The following CEP350 variants were observed in gnomAD, a reference collection of about 807,000 sequenced individuals.
CEP350 encodes centrosome-associated protein 350.
A neutral mutation model predicts 331.8 loss-of-function variants in CEP350; 126 were observed. That is an observed-to-expected ratio of 0.38 (90% CI 0.33 to 0.44). The LOEUF (loss-of-function observed/expected upper bound fraction) is 0.44. Ranked by LOEUF, CEP350 falls within the 20% of genes least tolerant of loss-of-function variation. CEP350 has a pLI of 1.00. For missense variants in CEP350, 3,406 were observed against 3,634.6 expected (o/e 0.94, Z 1.62); for synonymous variants, 1,200 against 1,259.5 (o/e 0.95, Z 1.00).
intron 27 of CEP350, among the ~76,000 whole-genome samples, chr1:180,070,666 G>A (rs1182261772): frequency 6.6e-6 from 1 of 152,158 alleles, no homozygotes. Flanking sequence ...TAAAGTCAAA[G>A]TTAAGTTAGC....
intron 11 of CEP350, among the ~76,000 whole-genome samples, chr1:180,016,314 T>C (rs1189005782): frequency 6.6e-6 from 1 of 152,222 alleles, no homozygotes; most frequent in Non-Finnish European, 1.5e-5. Context: ...GGTTTTTGTG[T>C]CTACTGCTAT....
At chr1:180,098,513 T>C (rs1448356078) in intron 36 of CEP350, among the ~76,000 whole-genome samples, 1 of 151,976 alleles carries the variant, frequency 6.6e-6, no homozygotes, top group Non-Finnish European at 1.5e-5. Flanking sequence ...GCTAATTTTA[T>C]ATATTTTTTG....
At chr1:180,021,565 C>T (rs548207360) in intron 12 of CEP350, among the ~76,000 whole-genome samples, 10 of 151,690 alleles carry the variant, frequency 6.6e-5, no homozygotes, top group East Asian at 1.9e-4. Flanking sequence ...GGCTGAGGCA[C>T]GAGAATCGCT....
intron 6 of CEP350, among the ~76,000 whole-genome samples, chr1:179,997,495 A>T (rs933542309): frequency 1.3e-5 from 2 of 149,362 alleles, no homozygotes; most frequent in African/African-American, 2.5e-5. Flanking sequence ...CTGAGCCGAG[A>T]TCTCACCACT....
intron 17 of CEP350, among the ~76,000 whole-genome samples, chr1:180,039,380 C>T (rs182585588): frequency 1.3e-5 from 2 of 152,200 alleles, no homozygotes; most frequent in East Asian, 1.9e-4. Context: ...CATTCTCTTA[C>T]GTTTTTTTCC....
chr1:180,060,865 T>G (rs1198569235), intron 25 of CEP350, among the ~76,000 whole-genome samples: 1 of 152,074 alleles, frequency 6.6e-6, no homozygotes, highest in East Asian at 1.9e-4. Context: ...TTTTTGCAGA[T>G]AAGCACAAAT....
chr1:179,957,232 CAT>C (rs1650234909), intron 1 of CEP350, among the ~76,000 whole-genome samples: 1 of 152,092 alleles, frequency 6.6e-6, no homozygotes, highest in Non-Finnish European at 1.5e-5. Context: ...TGATCAGTAA[CAT>C]AACTGAAAAG....
At chr1:179,961,233 G>A (rs1165879617) in intron 1 of CEP350, among the ~76,000 whole-genome samples, 1 of 152,086 alleles carries the variant, frequency 6.6e-6, no homozygotes, top group Non-Finnish European at 1.5e-5. Context: ...ATCATTTGAG[G>A]TCAGGAGTTC....
intron 22 of CEP350, among the ~76,000 whole-genome samples, chr1:180,051,900 G>T (rs1259875681): frequency 6.6e-6 from 1 of 152,168 alleles, no homozygotes; most frequent in Non-Finnish European, 1.5e-5. Context: ...TATTGGGTTT[G>T]AACAAATAAG....
chr1:180,070,481 G>A (rs1334396011), intron 27 of CEP350, among the ~76,000 whole-genome samples: 1 of 152,108 alleles, frequency 6.6e-6, no homozygotes, highest in Non-Finnish European at 1.5e-5. Flanking sequence ...AACGGAGAAA[G>A]AGTCATAAAA....
chr1:180,014,960 C>T (rs1312372716), intron 10 of CEP350, among the ~76,000 whole-genome samples: 2 of 152,114 alleles, frequency 1.3e-5, no homozygotes, highest in Non-Finnish European at 2.9e-5. Context: ...CTATATTATA[C>T]ACTGTATTCT....
intron 28 of CEP350, among the ~76,000 whole-genome samples, chr1:180,077,464 A>G (rs1316299063): frequency 6.6e-6 from 1 of 151,992 alleles, no homozygotes; most frequent in Non-Finnish European, 1.5e-5. Flanking sequence ...ACTTGAGCTC[A>G]AGAGTTCATG....
chr1:180,102,606 A>G (rs1660890902), intron 37 of CEP350, among the ~76,000 whole-genome samples: 1 of 152,120 alleles, frequency 6.6e-6, no homozygotes, highest in Non-Finnish European at 1.5e-5. Context: ...AAATATTTTT[A>G]AAGTATAAAA....
chr1:180,090,268 C>T (rs565203010), intron 32 of CEP350, among the ~76,000 whole-genome samples: 138 of 151,928 alleles, frequency 9.1e-4, no homozygotes, highest in Middle Eastern at 6.8e-3. Flanking sequence ...TTGATGAGGC[C>T]GGGCGCGGTG....
intron 12 of CEP350, among the ~76,000 whole-genome samples, chr1:180,021,691 C>T (rs1655334836): frequency 6.6e-6 from 1 of 151,900 alleles, no homozygotes; most frequent in Admixed American, 6.6e-5. Context: ...TGTTTCTTAA[C>T]ACAGTGATGA....
Position 180,034,083 on chromosome 1 carries a change from G to T in CEP350, c.3946+1G>T. 1 of 1,610,684 alleles carries T rather than the reference G, an allele frequency of 6.2e-7. No homozygotes were observed. The highest frequency in any genetic ancestry group is 1.1e-5 in the South Asian group (1 of 90,550). On this transcript the variant is annotated splice_donor_variant, in intron 16 of 37. Transcript: ENST00000367607. LOFTEE classifies it high-confidence loss of function. ...ACAGAGAACATGGCTCCAATACCAG[G>T]TAAGTAGATTCATGCAATTGTAATT...
intron 14 of CEP350, among the ~76,000 whole-genome samples, chr1:180,026,196 A>C (rs1162529012): frequency 2.6e-5 from 4 of 151,722 alleles, no homozygotes; most frequent in African/African-American, 9.7e-5. Context: ...GCTTGAACCC[A>C]GGAGGCAGAG....
intron 8 of CEP350, among the ~76,000 whole-genome samples, chr1:180,008,697 G>A (rs1203146381): frequency 6.6e-6 from 1 of 152,174 alleles, no homozygotes; most frequent in Admixed American, 6.5e-5. Context: ...TAAGCAAGAT[G>A]CATCTAGCCC....
chr1:180,092,289 C>T (rs1424450538), intron 33 of CEP350, among the ~76,000 whole-genome samples: 2 of 152,144 alleles, frequency 1.3e-5, no homozygotes, highest in Admixed American at 6.5e-5. Flanking sequence ...TTTGTAATAA[C>T]CATCATACAA....
Sources: allele counts gnomAD v4.1 joint callset (sites outside exome capture counted in the v4.1 genomes callset), GRCh38; gene constraint gnomAD v4.1.1; transcripts MANE v1.5; gene names NCBI Gene and HGNC (gene_info 2026-07-23, HGNC 2026-07-21).